TSHZ2: variants seen among roughly 807,000 people sequenced by gnomAD.
TSHZ2 encodes teashirt homolog 2.
In TSHZ2, 21 loss-of-function variants were observed where a neutral mutation model predicts 74.4. That is an observed-to-expected ratio of 0.28 (90% CI 0.20 to 0.41). TSHZ2 has a LOEUF of 0.41. TSHZ2 is among the 10% of genes least tolerant of loss of function. TSHZ2 has a pLI of 1.00. For synonymous variants in TSHZ2, 540 were observed against 515.3 expected (o/e 1.05, Z -0.65); for missense variants, 1,244 against 1,293.5 (o/e 0.96, Z 0.59).
intron 2 of TSHZ2, among the ~76,000 whole-genome samples, chr20:53,439,160 CAT>C (rs1245167793): frequency 6.6e-6 from 1 of 152,154 alleles, no homozygotes; most frequent in Non-Finnish European, 1.5e-5. Context: ...TGACTTTGCA[CAT>C]GTCTTCCTCT....
At chr20:53,264,058 T>G (rs183977266) in intron 2 of TSHZ2, among the ~76,000 whole-genome samples, 110 of 152,352 alleles carry the variant, frequency 7.2e-4, no homozygotes, top group Admixed American at 5.8e-3. Flanking sequence ...TATATAAATC[T>G]TTTGCCTTCT....
chr20:53,252,220 C>A (rs1243839519), intron 1 of TSHZ2, among the ~76,000 whole-genome samples: 2 of 152,224 alleles, frequency 1.3e-5, no homozygotes, highest in African/African-American at 4.8e-5. Context: ...TCTTCTAATT[C>A]TCCGTGCCTG....
chr20:53,240,978 C>T (rs1458754069), intron 1 of TSHZ2, among the ~76,000 whole-genome samples: 1 of 152,162 alleles, frequency 6.6e-6, no homozygotes, highest in Non-Finnish European at 1.5e-5. Flanking sequence ...TATTAAATCA[C>T]CAGATAGTGC....
intron 1 of TSHZ2, among the ~76,000 whole-genome samples, chr20:53,063,853 C>A (rs1415993717): frequency 6.6e-6 from 1 of 152,052 alleles, no homozygotes; most frequent in Non-Finnish European, 1.5e-5. Context: ...CACAAATTTA[C>A]AGGTGAGTGT....
chr20:53,468,389 T>C (rs1436680978), intron 2 of TSHZ2, among the ~76,000 whole-genome samples: 3 of 152,210 alleles, frequency 2.0e-5, no homozygotes, highest in African/African-American at 7.2e-5. Flanking sequence ...TCTGCTGCCA[T>C]TGAAATCTTC....
At chr20:53,380,547 T>C (rs1981820207) in intron 2 of TSHZ2, among the ~76,000 whole-genome samples, 2 of 152,182 alleles carry the variant, frequency 1.3e-5, no homozygotes, top group Admixed American at 1.3e-4. Context: ...GGACTCTTTC[T>C]AACACACAAT....
intron 1 of TSHZ2, among the ~76,000 whole-genome samples, chr20:53,094,067 T>C (rs941184444): frequency 4.6e-5 from 7 of 152,076 alleles, no homozygotes; most frequent in African/African-American, 1.4e-4. Context: ...CGCCTTTTTT[T>C]GTAAGTAAAG....
chr20:53,384,183 C>T (rs1179528073), intron 2 of TSHZ2, among the ~76,000 whole-genome samples: 1 of 152,100 alleles, frequency 6.6e-6, no homozygotes, highest in African/African-American at 2.4e-5. Flanking sequence ...CTTCCAGAAA[C>T]AGGGAAATTT....
At chr20:53,088,240 T>C (rs1985758075) in intron 1 of TSHZ2, among the ~76,000 whole-genome samples, 1 of 152,222 alleles carries the variant, frequency 6.6e-6, no homozygotes, top group African/African-American at 2.4e-5. Context: ...TTACTATATA[T>C]GAAGCACTGG....
intron 1 of TSHZ2, among the ~76,000 whole-genome samples, chr20:53,001,224 G>GTGTATGTGTGTGTGTGTGTGTGTA (rs1568713484): frequency 2.8e-4 from 42 of 147,842 alleles, no homozygotes; most frequent in African/African-American, 1.1e-3. Flanking sequence ...GTGTGTGTGT[G>GTGTATGTGTGTGTGTGTGTGTGTA]TGTGTGTGTG....
chr20:53,141,559 A>G (rs1173780101), intron 1 of TSHZ2, among the ~76,000 whole-genome samples: 2 of 152,214 alleles, frequency 1.3e-5, no homozygotes, highest in African/African-American at 2.4e-5. Context: ...AAGTTTGGTT[A>G]TTAAGACAAG....
intron 2 of TSHZ2, among the ~76,000 whole-genome samples, chr20:53,383,262 CAAAAA>C (rs11475983): frequency 7.5e-6 from 1 of 133,914 alleles, no homozygotes; most frequent in Non-Finnish European, 1.6e-5. Flanking sequence ...AACTCTGTCT[CAAAAA>C]AAAAAAGAAA....
chr20:53,424,788 C>T (rs966437594), intron 2 of TSHZ2, among the ~76,000 whole-genome samples: 1 of 152,134 alleles, frequency 6.6e-6, no homozygotes, highest in East Asian at 1.9e-4. Context: ...TCTCATTGTT[C>T]CACTGCCACT....
intron 1 of TSHZ2, among the ~76,000 whole-genome samples, chr20:53,095,432 G>GC (rs1986008519): frequency 6.6e-6 from 1 of 152,222 alleles, no homozygotes; most frequent in African/African-American, 2.4e-5. Flanking sequence ...GACAGCTGGA[G>GC]CTGGGGATGG....
intron 1 of TSHZ2, among the ~76,000 whole-genome samples, chr20:53,051,470 C>CACACACACAT (rs1384422730): frequency 2.6e-5 from 4 of 151,378 alleles, no homozygotes; most frequent in African/African-American, 7.3e-5. Context: ...CACACACACA[C>CACACACACAT]ACACACACAC....
chr20:53,275,103 C>G (rs917264118), intron 2 of TSHZ2, among the ~76,000 whole-genome samples: 2 of 152,046 alleles, frequency 1.3e-5, no homozygotes, highest in African/African-American at 4.8e-5. Flanking sequence ...GGAAAAGTAC[C>G]CTAATATAAA....
At chr20:53,468,688 C>CA (rs1158529552) in intron 2 of TSHZ2, among the ~76,000 whole-genome samples, 27,987 of 65,202 alleles carry the variant, frequency 0.43, 5,062 homozygotes, top group Non-Finnish European at 0.45. Flanking sequence ...CATTACGAGA[C>CA]AAAAAAAAAA....
chr20:53,073,296 T>TCATCCATC (rs570436818), intron 1 of TSHZ2, among the ~76,000 whole-genome samples: 2 of 120,280 alleles, frequency 1.7e-5, no homozygotes, highest in Admixed American at 8.0e-5. Context: ...ATCCATCCCT[T>TCATCCATC]CATCCATCCA....
chr20:52,979,001 C>T (rs1981458479), intron 1 of TSHZ2, among the ~76,000 whole-genome samples: 1 of 151,706 alleles, frequency 6.6e-6, no homozygotes, highest in Non-Finnish European at 1.5e-5. Flanking sequence ...GTTAGAAATT[C>T]TCACATTCCT....
Sources: allele counts gnomAD v4.1 joint callset (sites outside exome capture counted in the v4.1 genomes callset), GRCh38; gene constraint gnomAD v4.1.1; transcripts MANE v1.5; gene names NCBI Gene and HGNC (gene_info 2026-07-23, HGNC 2026-07-21).